STARD13: variants seen among roughly 807,000 people sequenced by gnomAD.
STARD13 encodes the protein stAR-related lipid transfer protein 13.
In STARD13, 62 loss-of-function variants were observed where a neutral mutation model predicts 106.4. That is an observed-to-expected ratio of 0.58 (90% confidence interval 0.48 to 0.72). The LOEUF (loss-of-function observed/expected upper bound fraction) is 0.72, where lower values mean the gene tolerates loss of function less well. Ranked by LOEUF, STARD13 falls within the 30% of genes least tolerant of loss-of-function variation. The pLI is 0.00. For synonymous variants in STARD13, 565 were observed against 553.0 expected, an observed-to-expected ratio of 1.02 and a Z score of -0.31; for missense variants, 1,387 against 1,424.0, an observed-to-expected ratio of 0.97 and a Z score of 0.42.
chr13:33,129,791 C>T lies in STARD13; in HGVS notation c.886G>A (p.Glu296Lys). ...ATGCACTGCATAGCCTTAAAGGACT[C>T]TGGCTCCTGCTGCAACATGGGCCCA... ...ISGPMLQQEP[E>K]SFKAMQCIQI... The change falls in exon 5 of 14, where the codon GAG becomes AAG. Residue 296 changes from glutamate to lysine, a missense_variant. Physicochemically the swap from Glu to Lys is moderately conservative, Grantham distance 56. Transcript: ENST00000336934. 1 of 1,613,856 alleles carries T rather than the reference C, an allele frequency of 6.2e-7. No individual in the cohort carries two copies. The highest frequency in any genetic ancestry group is 2.2e-5 in the East Asian group (1 of 44,882).
the STARD13 span, among the ~76,000 whole-genome samples, chr13:33,554,492 C>G: frequency 6.6e-6 from 1 of 151,932 alleles, no homozygotes; most frequent in South Asian, 2.1e-4. Flanking sequence ...CCTTCTTCAT[C>G]GGATTATTAT....
chr13:33,204,458 A>G (rs753543724), intron 1 of STARD13, among the ~76,000 whole-genome samples: 20 of 152,184 alleles, frequency 1.3e-4, no homozygotes, highest in Non-Finnish European at 2.5e-4. Flanking sequence ...GTACGACAAA[A>G]TCTTCAACTT....
intron 1 of STARD13, among the ~76,000 whole-genome samples, chr13:33,223,310 A>G (rs1227195928): frequency 6.6e-6 from 1 of 152,216 alleles, no homozygotes; most frequent in Non-Finnish European, 1.5e-5. Context: ...ACCTGGAGAC[A>G]TTTTAGAAGC....
At chr13:33,218,496 G>A (rs1888168121) in intron 1 of STARD13, among the ~76,000 whole-genome samples, 1 of 152,110 alleles carries the variant, frequency 6.6e-6, no homozygotes, top group African/African-American at 2.4e-5. Context: ...CTCTCCTTCA[G>A]CCTCTTGAAC....
chr13:33,325,821 C>G (rs911582660), intron 1 of STARD13, among the ~76,000 whole-genome samples: 4 of 151,754 alleles, frequency 2.6e-5, no homozygotes, highest in Non-Finnish European at 5.9e-5. Context: ...GGTAAAACCC[C>G]GTCTCTACAA....
At chr13:33,223,186 T>G (rs879828903) in intron 1 of STARD13, among the ~76,000 whole-genome samples, 1 of 152,200 alleles carries the variant, frequency 6.6e-6, no homozygotes, top group Non-Finnish European at 1.5e-5. Context: ...AGAAAGATGT[T>G]AATGAGTTAT....
intron 7 of STARD13, among the ~76,000 whole-genome samples, chr13:33,119,868 T>C (rs1458052880): frequency 6.6e-6 from 1 of 152,252 alleles, no homozygotes; most frequent in African/African-American, 2.4e-5. Context: ...AATATTTATC[T>C]TCCTTCAACT....
intron 1 of STARD13, chr13:33,272,763 A>C (rs570118481): frequency 6.6e-6 from 1 of 152,370 alleles, no homozygotes; most frequent in South Asian, 2.1e-4. Context: ...ACAGAATGGA[A>C]GCTACAGTGT....
intron 1 of STARD13, among the ~76,000 whole-genome samples, chr13:33,284,849 A>G (rs1000730532): frequency 1.3e-5 from 2 of 152,040 alleles, no homozygotes; most frequent in Admixed American, 6.6e-5. Context: ...TTCTCTTTGC[A>G]TTAGGAAGCT....
In STARD13 at chr13:33,140,013, T is replaced by C. The variant is rs1879603052; in HGVS notation, c.387+2297A>G. 3.9e-5 allele frequency among the ~76,000 whole-genome samples: 6 copies of C among 152,328 alleles called. No homozygotes were observed. In the South Asian group the frequency reaches 1.0e-3, roughly 26 times the overall value. On this transcript the variant is annotated intron_variant, in intron 4 of 13. Transcript: ENST00000336934. ...TCAAGTGCATGCATTCTGAGGCCTA[T>C]AGCTAAGCAGGGGCTTTAAGGGCGT...
At chr13:33,363,396 C>G in the STARD13 span, among the ~76,000 whole-genome samples, 1 of 152,216 alleles carries the variant, frequency 6.6e-6, no homozygotes. Context: ...AGTTCCAGAA[C>G]TGCACAGACT....
At chr13:33,419,459 C>T in the STARD13 span, among the ~76,000 whole-genome samples, 23,823 of 152,008 alleles carry the variant, frequency 0.16, 4,460 homozygotes, top group African/African-American at 0.44. Flanking sequence ...CCAAGAAATA[C>T]GCGACTATGT....
chr13:33,308,310 C>T (rs897944804), intron 1 of STARD13, among the ~76,000 whole-genome samples: 2 of 152,118 alleles, frequency 1.3e-5, no homozygotes, highest in Non-Finnish European at 2.9e-5. Context: ...GAAAATAGAG[C>T]TGAAGACTGT....
rs1003157639 is a variant in STARD13 at position 33,285,730 on chromosome 13, A to T, written c.-92T>A. 2 of 1,524,894 alleles carry T rather than the reference A, an allele frequency of 1.3e-6. No homozygotes were observed. Among genetic ancestry groups the T allele is most frequent in the Non-Finnish European group, 1.8e-6 (2 of 1,142,728 alleles). 94.5% of individuals were successfully genotyped at this position (1,524,894 alleles called of 1,614,324 possible). ...CAAAGAGCAAGGCACCCAGCCCAGG[A>T]CAGCTCAACAGACCCAGCGATTTTT... On this transcript the variant is annotated 5_prime_UTR_variant, in exon 1 of 14. Transcript: ENST00000336934.
At chr13:33,504,521 C>T in the STARD13 span, among the ~76,000 whole-genome samples, 5 of 148,896 alleles carry the variant, frequency 3.4e-5, no homozygotes, top group East Asian at 2.0e-4. Flanking sequence ...AATCAAAGAC[C>T]GCATGTTCTC....
the STARD13 span, among the ~76,000 whole-genome samples, chr13:33,461,258 G>T: frequency 1.8e-4 from 27 of 152,308 alleles, no homozygotes; most frequent in South Asian, 8.3e-4. Context: ...CCTCAGCAAA[G>T]TTGATGTAAA....
the STARD13 span, among the ~76,000 whole-genome samples, chr13:33,443,974 T>C: frequency 6.7e-6 from 1 of 149,130 alleles, no homozygotes; most frequent in East Asian, 1.9e-4. Context: ...CTGCTCCTAT[T>C]GGGGGGATAA....
the STARD13 span, among the ~76,000 whole-genome samples, chr13:33,384,822 G>A: frequency 2.6e-5 from 4 of 152,092 alleles, no homozygotes; most frequent in Non-Finnish European, 5.9e-5. Context: ...GAGCAAGGAG[G>A]GACTTAGTTA....
chr13:33,524,041 CA>C, the STARD13 span, among the ~76,000 whole-genome samples: 1 of 152,054 alleles, frequency 6.6e-6, no homozygotes, highest in African/African-American at 2.4e-5. Context: ...TAAATATTAA[CA>C]ACTATATATG....
Sources: allele counts gnomAD v4.1 joint callset (sites outside exome capture counted in the v4.1 genomes callset), GRCh38; gene constraint gnomAD v4.1.1; transcripts MANE v1.5; gene names NCBI Gene and HGNC (gene_info 2026-07-23, HGNC 2026-07-21).